The following EPHB1 variants were observed in gnomAD, a reference collection of about 807,000 sequenced individuals.
EPHB1 encodes EPH receptor B1, also known as ephrin type-B receptor 1.
EPHB1 carries 30 observed loss-of-function variants against 94.4 expected under a neutral mutation model. That is an observed-to-expected ratio of 0.32 (90% CI 0.24 to 0.43). The LOEUF (loss-of-function observed/expected upper bound fraction) is 0.43. Ranked by LOEUF, EPHB1 falls within the 20% of genes least tolerant of loss-of-function variation. EPHB1 has a pLI of 1.00. For synonymous variants in EPHB1, 522 were observed against 489.1 expected (o/e 1.07, Z -0.89); for missense variants, 1,055 against 1,308.3 (o/e 0.81, Z 2.99).
At chr3:134,798,403 T>C (rs1261673911) in intron 1 of EPHB1, among the ~76,000 whole-genome samples, 1 of 151,908 alleles carries the variant, frequency 6.6e-6, no homozygotes, top group Non-Finnish European at 1.5e-5. Context: ...GGGCTCAAAT[T>C]CTCATAATCA....
chr3:134,802,588 G>A (rs1350396384), intron 1 of EPHB1, among the ~76,000 whole-genome samples: 1 of 152,192 alleles, frequency 6.6e-6, no homozygotes, highest in African/African-American at 2.4e-5. Flanking sequence ...GAGGAAGACT[G>A]TATTCTAGGG....
chr3:135,154,411 T>C, intron 6 of EPHB1, 135 bp downstream of exon 6: 1 of 1,286,948 alleles, frequency 7.8e-7, no homozygotes, highest in Non-Finnish European at 1.1e-6. Flanking sequence ...AGAAGGTCCC[T>C]GGGAGAGTTC....
At chr3:135,118,709 T>C (rs1939813658) in intron 4 of EPHB1, among the ~76,000 whole-genome samples, 1 of 152,174 alleles carries the variant, frequency 6.6e-6, no homozygotes, top group South Asian at 2.1e-4. Flanking sequence ...TTATGTGCTC[T>C]CCATGCAAGG....
chr3:134,928,834 A>G (rs1413368940), intron 2 of EPHB1, among the ~76,000 whole-genome samples: 3 of 134,054 alleles, frequency 2.2e-5, no homozygotes, highest in Non-Finnish European at 5.0e-5. Flanking sequence ...AGACTGGGAA[A>G]GAGTGGGCTG....
intron 4 of EPHB1, among the ~76,000 whole-genome samples, chr3:135,121,586 T>C (rs1204159185): frequency 1.3e-5 from 2 of 152,146 alleles, no homozygotes; most frequent in Non-Finnish European, 2.9e-5. Flanking sequence ...CCTGGCAGGA[T>C]GTGGCCTGGT....
chr3:135,199,759 A>G (rs1942708841), intron 11 of EPHB1, among the ~76,000 whole-genome samples: 1 of 152,210 alleles, frequency 6.6e-6, no homozygotes, highest in Non-Finnish European at 1.5e-5. Context: ...AGTTTCCAAC[A>G]ATTCATGCAA....
chr3:135,038,851 G>A (rs546294612), intron 3 of EPHB1, among the ~76,000 whole-genome samples: 9 of 150,184 alleles, frequency 6.0e-5, no homozygotes, highest in East Asian at 3.9e-4. Flanking sequence ...GGACCCCAGC[G>A]GGTTGCCAAT....
intron 3 of EPHB1, among the ~76,000 whole-genome samples, chr3:135,001,257 G>A (rs968971665): frequency 1.3e-5 from 2 of 152,190 alleles, no homozygotes; most frequent in Admixed American, 1.3e-4. Flanking sequence ...AGGAGAGGAA[G>A]AAAAGAAGAA....
In EPHB1 at chr3:135,239,170, G is replaced by A. The variant is rs773650505; in HGVS notation, c.2347-1978G>A. On this transcript the variant is annotated intron_variant, in intron 12 of 15. Transcript: ENST00000398015. ...TGCCACCATCCTCAGGGGAAATTAG[G>A]ACTGTCTTCTTTGCAGAAAGTGGGA... 5.3e-5 allele frequency among the ~76,000 whole-genome samples: 8 copies of A among 152,206 alleles called. No individual in the cohort carries two copies. The South Asian group carries it at 1.0e-3, about 20-fold the overall frequency.
chr3:135,116,608 T>C (rs1939726172), intron 4 of EPHB1, among the ~76,000 whole-genome samples: 1 of 152,198 alleles, frequency 6.6e-6, no homozygotes, highest in African/African-American at 2.4e-5. Context: ...GGAACCTGTA[T>C]TGATCCACTG....
intron 3 of EPHB1, among the ~76,000 whole-genome samples, chr3:135,066,571 G>A (rs1161807130): frequency 6.6e-6 from 1 of 152,150 alleles, no homozygotes; most frequent in Non-Finnish European, 1.5e-5. Flanking sequence ...TTTATGCTGT[G>A]TATTTCCTCA....
At chr3:135,096,226 T>C (rs1304013084) in intron 3 of EPHB1, among the ~76,000 whole-genome samples, 1 of 152,194 alleles carries the variant, frequency 6.6e-6, no homozygotes, top group South Asian at 2.1e-4. Flanking sequence ...ACAATAGCTA[T>C]GGGAAGGAAG....
intron 1 of EPHB1, among the ~76,000 whole-genome samples, chr3:134,807,893 A>G (rs1040098368): frequency 2.0e-5 from 3 of 152,164 alleles, no homozygotes; most frequent in Non-Finnish European, 4.4e-5. Context: ...ACACAGAGAA[A>G]TGCAGCTGCT....
At chr3:134,927,046 G>T (rs1291623142) in intron 2 of EPHB1, among the ~76,000 whole-genome samples, 1 of 152,140 alleles carries the variant, frequency 6.6e-6, no homozygotes, top group African/African-American at 2.4e-5. Flanking sequence ...AGGTGGGAGT[G>T]CTCTCTTCAT....
At chr3:135,114,842 T>C (rs1258881860) in intron 4 of EPHB1, among the ~76,000 whole-genome samples, 1 of 152,182 alleles carries the variant, frequency 6.6e-6, no homozygotes, top group East Asian at 1.9e-4. Context: ...CAGAGTTGTC[T>C]ACCCTACTTT....
intron 15 of EPHB1, among the ~76,000 whole-genome samples, chr3:135,250,889 T>C (rs1266885295): frequency 6.6e-6 from 1 of 152,132 alleles, no homozygotes; most frequent in Non-Finnish European, 1.5e-5. Flanking sequence ...CAGTGCAAGG[T>C]GCTGGGATTC....
intron 2 of EPHB1, among the ~76,000 whole-genome samples, chr3:134,935,218 G>T (rs1398221153): frequency 6.6e-6 from 1 of 152,180 alleles, no homozygotes; most frequent in Non-Finnish European, 1.5e-5. Context: ...TCCCACTGGT[G>T]ACCTTGGTGA....
At chr3:135,194,289 C>T (rs1457864785) in intron 11 of EPHB1, among the ~76,000 whole-genome samples, 1 of 152,188 alleles carries the variant, frequency 6.6e-6, no homozygotes, top group Non-Finnish European at 1.5e-5. Flanking sequence ...CCTACTCCTG[C>T]TAGTACCCAA....
chr3:135,114,391 T>G (rs941013246), intron 4 of EPHB1, among the ~76,000 whole-genome samples: 10 of 151,812 alleles, frequency 6.6e-5, no homozygotes, highest in African/African-American at 2.4e-4. Flanking sequence ...ACTGCACTGT[T>G]GTGGGAATTA....
Sources: gnomAD v4.1 joint callset for allele counts (sites outside exome capture counted in the v4.1 genomes callset) on GRCh38, gnomAD v4.1.1 for gene constraint, MANE v1.5 for transcripts, NCBI Gene and HGNC (gene_info 2026-07-23, HGNC 2026-07-21) for gene names.